Variants in PSMD1 observed in about 807,000 individuals in gnomAD.
PSMD1 encodes the protein proteasome 26S subunit, non-ATPase 1.
Under a neutral mutation model 119.0 loss-of-function variants are expected in PSMD1, and 18 were observed. The ratio of observed to expected loss-of-function variants is 0.15; its 90% CI spans 0.10 to 0.22. PSMD1 has a LOEUF of 0.22. Among genes scored for constraint, PSMD1 ranks in the 10% least tolerant of loss-of-function variants. The pLI, the probability that PSMD1 is intolerant of heterozygous loss-of-function variation, is 1.00. For synonymous variants in PSMD1, 374 were observed against 396.6 expected (o/e 0.94, Z 0.68); for missense variants, 702 against 1,158.5 (o/e 0.61, Z 5.72).
chr2:231,083,871 T>C lies in PSMD1; in HGVS notation c.1722+108T>C, dbSNP rs1462170911. 2.8e-6 allele frequency: 3 copies of C among 1,081,836 alleles called. No individual in the cohort carries two copies. The East Asian group carries it at 7.8e-5, about 28-fold the overall frequency. The allele number at this position is 1,081,836 out of a possible 1,614,324, so 67.0% of individuals were successfully genotyped here. ...CCATCAGAACATGTAGGTACACTTA[T>C]TCATAAAACTTCTGGCAATGTATAT... On this transcript the variant is annotated intron_variant, in intron 14 of 24. Coordinates refer to ENST00000308696, the MANE Select transcript of PSMD1 (RefSeq NM_002807.4).
chr2:231,085,085 A>G lies in PSMD1; in HGVS notation c.1789A>G (p.Lys597Glu), dbSNP rs1329254348. ...AMAYCGSGNN[K>E]AIRRLLHVAV... ...GGCTTATTGTGGCTCTGGTAACAAC[A>G]AAGCAATTCGACGCCTGCTACATGT... is the stretch of plus-strand genomic sequence containing the variant. Residue 597 changes from lysine (K) to glutamate (E), a missense_variant, in exon 15 of 25, where the codon AAA becomes GAA. Transcript: ENST00000308696. 7.4e-6 allele frequency: 12 copies of G among 1,614,044 alleles called. No individual in the cohort carries two copies. Among genetic ancestry groups the G allele is most frequent in the Non-Finnish European group, 1.0e-5 (12 of 1,179,912 alleles).
At position 231,137,794 on chromosome 2, in the gene PSMD1, G is replaced by C. The variant is rs558708106; in HGVS notation, c.1884-942G>C. On this transcript the variant is annotated intron_variant, in intron 16 of 24. Coordinates refer to ENST00000308696, the MANE Select transcript of PSMD1 (RefSeq NM_002807.4). The stretch of plus-strand genomic sequence containing the variant: ...TATAAGTGAGAACATGCAGTATTTG[G>C]TTTTCTGTTCCTGCCTTAATTCACT... 5.3e-5 allele frequency among the ~76,000 whole-genome samples: 8 copies of C among 152,094 alleles called. No homozygotes were observed. The South Asian group carries it at 1.7e-3, about 32-fold the overall frequency.
intron 17 of PSMD1, among the ~76,000 whole-genome samples, chr2:231,145,382 G>T (rs867106572): frequency 6.6e-6 from 1 of 152,174 alleles, no homozygotes; most frequent in Non-Finnish European, 1.5e-5. Flanking sequence ...AATGGAACTT[G>T]TAGGACTGGA....
intron 16 of PSMD1, among the ~76,000 whole-genome samples, chr2:231,107,101 C>T (rs1694995299): frequency 6.6e-6 from 1 of 152,052 alleles, no homozygotes; most frequent in Admixed American, 6.6e-5. Flanking sequence ...AGTAGGGAAA[C>T]ATACCTAAAG....
At chr2:231,090,186 C>T (rs1241796858) in intron 16 of PSMD1, among the ~76,000 whole-genome samples, 1 of 152,190 alleles carries the variant, frequency 6.6e-6, no homozygotes, top group Non-Finnish European at 1.5e-5. Flanking sequence ...CATTCTGCAG[C>T]CTGTGGATCG....
rs927645154 is a variant in PSMD1 at position 231,159,830 on chromosome 2, T to C, written c.2219-1510T>C. ...TTTCTACGACGGGGGTGGGGTGGTTTCAGGATGAAACTTTTCCACCTCAGT... is the reference window on the plus strand; with the variant it reads ...TTTCTACGACGGGGGTGGGGTGGTTCCAGGATGAAACTTTTCCACCTCAGT... On this transcript the variant is annotated intron_variant, in intron 19 of 24. Coordinates refer to ENST00000308696, the MANE Select transcript of PSMD1 (RefSeq NM_002807.4). Among the ~76,000 whole-genome samples, 16 of 152,316 alleles carry C rather than the reference T, an allele frequency of 1.1e-4. No homozygotes were observed. In the South Asian group the frequency reaches 3.3e-3, roughly 32 times the overall value.
chr2:231,131,098 ATC>A (rs1355194665), intron 16 of PSMD1, among the ~76,000 whole-genome samples: 9 of 152,036 alleles, frequency 5.9e-5, no homozygotes, highest in Admixed American at 2.0e-4. Flanking sequence ...GAAACCAGTT[ATC>A]TCTGTTTTGT....
At position 231,086,979 on chromosome 2, in the gene PSMD1, A is replaced by G. The variant is rs564774656; in HGVS notation, c.1819-138A>G. On this transcript the variant is annotated intron_variant, in intron 15 of 24. Coordinates refer to ENST00000308696, the MANE Select transcript of PSMD1 (RefSeq NM_002807.4). The stretch of plus-strand genomic sequence containing the variant: ...GTATTCATTTATTGTATATGTTTAG[A>G]GGTGTGCAACATAATGTTTTGATAT... The G allele has an allele frequency of 2.3e-4, 140 of 595,828 alleles. 1 individual carries two copies. The South Asian group carries it at 3.1e-3, about 13-fold the overall frequency. 36.9% of individuals were successfully genotyped at this position (595,828 alleles called of 1,614,324 possible).
chr2:231,076,635 CAG>C (rs1694174099), intron 8 of PSMD1, among the ~76,000 whole-genome samples: 2 of 151,220 alleles, frequency 1.3e-5, no homozygotes, highest in African/African-American at 4.9e-5. Flanking sequence ...GCTGGGGCAA[CAG>C]AGAGAAACTC....
intron 16 of PSMD1, among the ~76,000 whole-genome samples, chr2:231,100,412 T>A (rs891287221): frequency 3.3e-5 from 5 of 151,986 alleles, no homozygotes; most frequent in Non-Finnish European, 5.9e-5. Flanking sequence ...ATTGGCTAAT[T>A]TAAAGAGAAT....
At chr2:231,076,403 A>G (rs1694167840) in intron 8 of PSMD1, among the ~76,000 whole-genome samples, 1 of 152,228 alleles carries the variant, frequency 6.6e-6, no homozygotes, top group Admixed American at 6.5e-5. Flanking sequence ...ACTGTGGTTC[A>G]TGCATGTAAT....
At chr2:231,152,739 G>A (rs956085601) in intron 18 of PSMD1, among the ~76,000 whole-genome samples, 5 of 152,160 alleles carry the variant, frequency 3.3e-5, no homozygotes, top group African/African-American at 1.2e-4. Context: ...CCATGATTAT[G>A]TGCTTCTTGA....
chr2:231,160,815 C>T (rs1350862275), intron 19 of PSMD1, among the ~76,000 whole-genome samples: 1 of 152,134 alleles, frequency 6.6e-6, no homozygotes, highest in African/African-American at 2.4e-5. Context: ...TTTGGAGAGC[C>T]TGGATAACTC....
chr2:231,151,971 C>G (rs1215884355), intron 18 of PSMD1, among the ~76,000 whole-genome samples: 1 of 151,958 alleles, frequency 6.6e-6, no homozygotes, highest in African/African-American at 2.4e-5. Flanking sequence ...TGCCACCATG[C>G]CCAGCTCATT....
chr2:231,116,622 C>T (rs1270521740), intron 16 of PSMD1, among the ~76,000 whole-genome samples: 4 of 151,374 alleles, frequency 2.6e-5, no homozygotes, highest in African/African-American at 9.8e-5. Context: ...CCACATACTC[C>T]TAATTGTGGG....
At chr2:231,064,208 G>C (rs1693838010) in intron 4 of PSMD1, among the ~76,000 whole-genome samples, 1 of 152,016 alleles carries the variant, frequency 6.6e-6, no homozygotes, top group East Asian at 1.9e-4. Flanking sequence ...AGTTTTGTAG[G>C]GCACATTTTT....
intron 4 of PSMD1, among the ~76,000 whole-genome samples, chr2:231,063,608 G>A (rs1359934390): frequency 6.6e-6 from 1 of 152,216 alleles, no homozygotes; most frequent in Non-Finnish European, 1.5e-5. Context: ...TTGGGATTCT[G>A]TGTTCATGTT....
rs1314051730 is a variant in PSMD1, at chr2:231,082,925, A to G, written c.1456A>G (p.Met486Val). The G allele has an allele frequency of 3.1e-6, 5 of 1,614,038 alleles. No individual in the cohort carries two copies. The Admixed American group carries it at 5.0e-5, about 16-fold the overall frequency. Residue 486 changes from methionine (M) to valine (V), a missense_variant, in exon 13 of 25, where the codon ATG (methionine) becomes GTG (valine). This residue lies in a region of PSMD1 where 272 missense variants were observed against 511.6 expected (regional missense o/e 0.53). Coordinates refer to ENST00000308696, the MANE Select transcript of PSMD1 (RefSeq NM_002807.4). ...GGSLGLGLAA[M>V]GTARQDVYDL... ...CAGTCTGGGCCTTGGTTTGGCAGCC[A>G]TGGGAACTGCACGTCAAGATGTTTA...
intron 14 of PSMD1, among the ~76,000 whole-genome samples, chr2:231,084,358 A>G (rs551444171): frequency 9.3e-5 from 14 of 151,350 alleles, no homozygotes; most frequent in Non-Finnish European, 1.8e-4. Flanking sequence ...TCTCAAAAAT[A>G]TATATATATA....
Sources: allele counts gnomAD v4.1 joint callset (sites outside exome capture counted in the v4.1 genomes callset), GRCh38; gene constraint gnomAD v4.1.1; regional missense constraint gnomAD v4.1.1; transcripts MANE v1.5; gene names NCBI Gene and HGNC (gene_info 2026-07-23, HGNC 2026-07-21).